NR5A2: variants seen among roughly 807,000 people sequenced by gnomAD.
NR5A2 encodes nuclear receptor subfamily 5 group A member 2.
Under a neutral mutation model 62.7 loss-of-function variants are expected in NR5A2, and 26 were observed. The ratio of observed to expected loss-of-function variants is 0.41; its 90% CI spans 0.30 to 0.58. The LOEUF is 0.58. Ranked by LOEUF, NR5A2 falls within the 20% of genes least tolerant of loss-of-function variation. The probability of loss-of-function intolerance (pLI) is 0.22; values close to 1 mark genes in which losing one functional copy is unlikely to be tolerated. For missense variants in NR5A2, 541 were observed against 669.1 expected (o/e 0.81, Z 2.11); for synonymous variants, 246 against 241.7 (o/e 1.02, Z -0.16).
intron 1 of NR5A2, among the ~76,000 whole-genome samples, chr1:200,028,530 A>T (rs1345573364): frequency 6.6e-6 from 1 of 152,202 alleles, no homozygotes; most frequent in Non-Finnish European, 1.5e-5. Flanking sequence ...TACAAACAGA[A>T]ATAAGTAAAT....
chr1:200,154,201 G>A (rs991359801), intron 7 of NR5A2, among the ~76,000 whole-genome samples: 11 of 152,156 alleles, frequency 7.2e-5, no homozygotes, highest in African/African-American at 2.7e-4. Context: ...TTTCAGGGTT[G>A]TTTCAGCAGT....
chr1:200,132,700 A>C (rs1205793166), intron 7 of NR5A2, among the ~76,000 whole-genome samples: 1 of 152,158 alleles, frequency 6.6e-6, no homozygotes, highest in Non-Finnish European at 1.5e-5. Context: ...AAAATCAAGT[A>C]AGAATGCCAT....
At chr1:200,065,044 C>T (rs1219465050) in intron 5 of NR5A2, among the ~76,000 whole-genome samples, 3 of 152,020 alleles carry the variant, frequency 2.0e-5, no homozygotes, top group Admixed American at 6.6e-5. Context: ...CTCAGCCTCC[C>T]GAAGTGTTGG....
chr1:200,163,266 A>C (rs1653728443), intron 7 of NR5A2, among the ~76,000 whole-genome samples: 1 of 79,324 alleles, frequency 1.3e-5, no homozygotes. Context: ...TGTCAAAGGC[A>C]AAAAAAAAAA....
At chr1:200,172,713 C>T (rs945250416) in intron 7 of NR5A2, among the ~76,000 whole-genome samples, 1 of 152,160 alleles carries the variant, frequency 6.6e-6, no homozygotes, top group African/African-American at 2.4e-5. Flanking sequence ...TTAGAAATAA[C>T]AAGATGGACA....
intron 5 of NR5A2, among the ~76,000 whole-genome samples, chr1:200,073,054 T>C (rs1250892892): frequency 6.6e-6 from 1 of 151,998 alleles, no homozygotes; most frequent in East Asian, 1.9e-4. Context: ...AAATCAGCGT[T>C]GATTGCTTGC....
chr1:200,041,172 CCAAAAGGAAA>C lies in NR5A2; in HGVS notation c.202+1378_202+1387del, dbSNP rs1662057062. On this transcript the variant is annotated intron_variant, in intron 2 of 7. Transcript: ENST00000367362. ...GGTGAGGCCGGCACGATTCTTGGCT[CCAAAAGGAAA>C]GTTTCTGCTTCTTGTTCTGGCGCGA... Among the ~76,000 whole-genome samples the C allele has an allele frequency of 4.6e-5, 7 of 152,292 alleles. No individual in the cohort carries two copies. In the South Asian group the frequency reaches 1.5e-3, roughly 32 times the overall value.
At chr1:200,074,736 CAAAAAAA>C (rs199556915) in intron 5 of NR5A2, among the ~76,000 whole-genome samples, 11 of 67,542 alleles carry the variant, frequency 1.6e-4, no homozygotes, top group East Asian at 6.7e-4. Flanking sequence ...GAGTCCATCT[CAAAAAAA>C]AAAAAAAAAA....
chr1:200,060,545 C>T (rs1663154704), intron 5 of NR5A2, among the ~76,000 whole-genome samples: 1 of 152,080 alleles, frequency 6.6e-6, no homozygotes, highest in Admixed American at 6.5e-5. Flanking sequence ...ATGCATGGAT[C>T]CCACGAAGTC....
chr1:200,086,495 GT>G (rs1386029269), intron 5 of NR5A2, among the ~76,000 whole-genome samples: 1 of 152,040 alleles, frequency 6.6e-6, no homozygotes, highest in African/African-American at 2.4e-5. Context: ...TAGAGACGGG[GT>G]TTCTCCATGT....
At chr1:200,059,112 A>T (rs1305421420) in intron 5 of NR5A2, among the ~76,000 whole-genome samples, 2 of 151,870 alleles carry the variant, frequency 1.3e-5, no homozygotes, top group Non-Finnish European at 2.9e-5. Context: ...TTTGTCTTAA[A>T]AATAATAATA....
At chr1:200,130,110 G>A (rs1479658163) in intron 7 of NR5A2, among the ~76,000 whole-genome samples, 1 of 152,146 alleles carries the variant, frequency 6.6e-6, no homozygotes, top group Non-Finnish European at 1.5e-5. Flanking sequence ...ACCAAATTAG[G>A]TGTTCCTATT....
intron 5 of NR5A2, among the ~76,000 whole-genome samples, chr1:200,055,115 G>A (rs1662852229): frequency 1.3e-5 from 2 of 151,756 alleles, no homozygotes; most frequent in Non-Finnish European, 1.5e-5. Flanking sequence ...GGCTGGTCTG[G>A]AACTCCTGGG....
chr1:200,030,075 C>G (rs1661497617), intron 1 of NR5A2, among the ~76,000 whole-genome samples: 1 of 152,108 alleles, frequency 6.6e-6, no homozygotes, highest in African/African-American at 2.4e-5. Context: ...ATGGGTCTTT[C>G]TGATTGCCCA....
chr1:200,128,345 C>T (rs1054468726), intron 7 of NR5A2, among the ~76,000 whole-genome samples: 3 of 152,192 alleles, frequency 2.0e-5, no homozygotes, highest in Admixed American at 2.0e-4. Context: ...TTGTTTTTCT[C>T]TATGTGAACT....
chr1:200,047,250 T>G (rs907706658), intron 4 of NR5A2, among the ~76,000 whole-genome samples: 1 of 152,242 alleles, frequency 6.6e-6, no homozygotes, highest in Non-Finnish European at 1.5e-5. Flanking sequence ...GAAATGAATT[T>G]GTTTTAATTA....
intron 1 of NR5A2, among the ~76,000 whole-genome samples, chr1:200,032,828 A>G (rs1215043684): frequency 6.6e-6 from 1 of 152,244 alleles, no homozygotes; most frequent in Non-Finnish European, 1.5e-5. Context: ...ATAGAACCCA[A>G]GAAATATTCT....
At chr1:200,172,694 T>G (rs954250634) in intron 7 of NR5A2, among the ~76,000 whole-genome samples, 3 of 152,212 alleles carry the variant, frequency 2.0e-5, no homozygotes, top group Admixed American at 2.0e-4. Flanking sequence ...CAGCCCAGTG[T>G]AAAGCCATTT....
chr1:200,053,152 C>T (rs1662737572), intron 5 of NR5A2, among the ~76,000 whole-genome samples: 1 of 152,088 alleles, frequency 6.6e-6, no homozygotes, highest in Non-Finnish European at 1.5e-5. Flanking sequence ...CTCCCCAACT[C>T]TCATAGAAAC....
Sources: allele counts gnomAD v4.1 joint callset (sites outside exome capture counted in the v4.1 genomes callset), GRCh38; gene constraint gnomAD v4.1.1; transcripts MANE v1.5; gene names NCBI Gene and HGNC (gene_info 2026-07-23, HGNC 2026-07-21).